Variants in NRXN1 observed in about 807,000 individuals in gnomAD.
The protein encoded by NRXN1 is neurexin-1.
A neutral mutation model predicts 150.9 loss-of-function variants in NRXN1; 39 were observed. The ratio of observed to expected loss-of-function variants is 0.26; its 90% CI spans 0.20 to 0.34. NRXN1 has a LOEUF of 0.34. Ranked by LOEUF, NRXN1 falls within the 10% of genes least tolerant of loss-of-function variation. The pLI is 1.00. For missense variants in NRXN1, 1,815 were observed against 1,949.9 expected (o/e 0.93, Z 1.30); for synonymous variants, 924 against 757.0 (o/e 1.22, Z -3.62).
rs78540316 is a variant in NRXN1, at chr2:50,620,057, G to A, written c.1285C>T (p.Pro429Ser). ...CAGCCCATAAAGTTGTTACTGACTG[G>A]TGACCCTGGAAGGTCGGCTGTGCTG... The part of the protein sequence containing the change: ...SPSTADLPGS[P>S]VSNNFMGCLK... The change falls in exon 8 of 23, where the codon CCA becomes TCA. Residue 429 changes from proline (P) to serine (S), a missense_variant. By Grantham distance (74) the Pro-to-Ser change is moderately conservative. This residue lies in a region of NRXN1 where 638 missense variants were observed against 652.6 expected (regional missense o/e 0.98). Transcript: ENST00000401669. The A allele has an allele frequency of 3.4e-3, 5,479 of 1,609,946 alleles. 25 individuals carry two copies. Among genetic ancestry groups the A allele is most frequent in the Non-Finnish European group, 3.1e-3 (3,664 of 1,177,796 alleles).
At chr2:50,413,125 C>A (rs1236501552) in intron 17 of NRXN1, among the ~76,000 whole-genome samples, 1 of 152,108 alleles carries the variant, frequency 6.6e-6, no homozygotes, top group African/African-American at 2.4e-5. Flanking sequence ...GAAAAGGAAA[C>A]AATCAACAAA....
chr2:50,801,946 T>C (rs1426983761), intron 5 of NRXN1, among the ~76,000 whole-genome samples: 1 of 152,168 alleles, frequency 6.6e-6, no homozygotes, highest in East Asian at 1.9e-4. Context: ...GACCAAAGGT[T>C]TTTAAGCCAT....
intron 2 of NRXN1, among the ~76,000 whole-genome samples, chr2:50,958,626 A>C (rs1178663069): frequency 6.6e-6 from 1 of 152,116 alleles, no homozygotes; most frequent in Non-Finnish European, 1.5e-5. Flanking sequence ...ATGCAAGATA[A>C]TGCCATTTGT....
chr2:50,010,324 A>G (rs1295573863), intron 21 of NRXN1, among the ~76,000 whole-genome samples: 2 of 152,082 alleles, frequency 1.3e-5, no homozygotes, highest in Non-Finnish European at 2.9e-5. Context: ...ACCATAAACC[A>G]AAGATTTCTT....
intron 5 of NRXN1, among the ~76,000 whole-genome samples, chr2:50,701,488 C>T (rs1693733997): frequency 6.6e-6 from 1 of 152,176 alleles, no homozygotes; most frequent in Non-Finnish European, 1.5e-5. Flanking sequence ...CTTTTGCCTA[C>T]ATATATACTG....
chr2:50,814,476 G>A (rs541063804), intron 5 of NRXN1, among the ~76,000 whole-genome samples: 1 of 151,988 alleles, frequency 6.6e-6, no homozygotes, highest in South Asian at 2.1e-4. Flanking sequence ...ATTTTACTTG[G>A]CAAACACAGA....
chr2:50,313,103 T>C (rs1367885310), intron 17 of NRXN1, among the ~76,000 whole-genome samples: 4 of 152,090 alleles, frequency 2.6e-5, no homozygotes, highest in East Asian at 1.9e-4. Flanking sequence ...TGGGAAGATT[T>C]AGGTCAGGAA....
intron 17 of NRXN1, among the ~76,000 whole-genome samples, chr2:50,383,021 C>T (rs181821591): frequency 1.2e-3 from 184 of 152,228 alleles, no homozygotes; most frequent in African/African-American, 4.1e-3. Flanking sequence ...TTGTTCCCAT[C>T]ATCATATATG....
At chr2:50,700,449 T>C (rs1038958463) in intron 5 of NRXN1, among the ~76,000 whole-genome samples, 2 of 152,164 alleles carry the variant, frequency 1.3e-5, no homozygotes, top group African/African-American at 4.8e-5. Flanking sequence ...AAAAAAAATG[T>C]AGGTGAAATT....
At chr2:50,871,269 T>A (rs1179170102) in intron 5 of NRXN1, among the ~76,000 whole-genome samples, 1 of 151,914 alleles carries the variant, frequency 6.6e-6, no homozygotes, top group Non-Finnish European at 1.5e-5. Flanking sequence ...TATCAATTTA[T>A]TATTTAAAAT....
intron 5 of NRXN1, among the ~76,000 whole-genome samples, chr2:50,671,801 G>A (rs1358036749): frequency 2.0e-5 from 3 of 151,736 alleles, no homozygotes; most frequent in Non-Finnish European, 4.4e-5. Flanking sequence ...TAAGCTTCTA[G>A]TAAGTATATA....
chr2:50,567,673 T>A (rs187678960), intron 8 of NRXN1, among the ~76,000 whole-genome samples: 1 of 152,132 alleles, frequency 6.6e-6, no homozygotes, highest in African/African-American at 2.4e-5. Flanking sequence ...ATTTAATACG[T>A]TGGAAACATA....
chr2:50,766,352 T>C (rs17561969), intron 5 of NRXN1, among the ~76,000 whole-genome samples: 11,869 of 151,998 alleles, frequency 0.078, 597 homozygotes, highest in Middle Eastern at 0.15. Context: ...AGCACCTGAA[T>C]TGCTTGCAAA....
At position 50,447,102 on chromosome 2, in the gene NRXN1, G is replaced by A. The variant is rs894735435; in HGVS notation, c.3364+18340C>T. Among the ~76,000 whole-genome samples, 3 of 152,016 alleles carry A rather than the reference G, an allele frequency of 2.0e-5. No homozygotes were observed. The South Asian group carries it at 6.2e-4, about 31-fold the overall frequency. On this transcript the variant is annotated intron_variant, in intron 17 of 22. Coordinates refer to ENST00000401669, the MANE Select transcript of NRXN1 (RefSeq NM_001330078.2). ...TGGAAAATCCCTCAAATATCAGATT[G>A]CATTCTGATACTTTGACCCCAAACT...
At chr2:50,782,362 C>T (rs779637824) in intron 5 of NRXN1, among the ~76,000 whole-genome samples, 12 of 151,790 alleles carry the variant, frequency 7.9e-5, no homozygotes, top group South Asian at 2.1e-4. Context: ...CCCAGCTACT[C>T]GGGAGGCTGA....
chr2:50,150,334 C>A (rs1248633552), intron 18 of NRXN1, among the ~76,000 whole-genome samples: 2 of 151,784 alleles, frequency 1.3e-5, no homozygotes, highest in African/African-American at 2.4e-5. Context: ...AACACTAACA[C>A]TTATAAAGAC....
chr2:50,614,281 C>A (rs983330759), intron 8 of NRXN1, among the ~76,000 whole-genome samples: 1 of 152,108 alleles, frequency 6.6e-6, no homozygotes, highest in Non-Finnish European at 1.5e-5. Context: ...AAGTAGCCCT[C>A]CCTCCTCTCA....
intron 21 of NRXN1, among the ~76,000 whole-genome samples, chr2:49,978,714 CAAAA>C (rs60622757): frequency 8.1e-6 from 1 of 123,104 alleles, no homozygotes; most frequent in Admixed American, 8.4e-5. Context: ...AGAGAGGCCA[CAAAA>C]AAAAAAAAAA....
chr2:50,815,652 G>A (rs1350021534), intron 5 of NRXN1, among the ~76,000 whole-genome samples: 1 of 152,030 alleles, frequency 6.6e-6, no homozygotes, highest in Non-Finnish European at 1.5e-5. Flanking sequence ...AGATTAAAGT[G>A]GTCAGGACTA....
Sources: gnomAD v4.1 joint callset for allele counts (sites outside exome capture counted in the v4.1 genomes callset) on GRCh38, gnomAD v4.1.1 for gene constraint, gnomAD v4.1.1 regional missense constraint, MANE v1.5 for transcripts, NCBI Gene and HGNC (gene_info 2026-07-23, HGNC 2026-07-21) for gene names.